The following RAD50 variants were observed in gnomAD, a reference collection of about 807,000 sequenced individuals.
The protein encoded by RAD50 is DNA repair protein RAD50.
In RAD50, 132 loss-of-function variants were observed where a neutral mutation model predicts 168.8. The ratio of observed to expected loss-of-function variants is 0.78; its 90% CI spans 0.68 to 0.90. The LOEUF (loss-of-function observed/expected upper bound fraction) is 0.90, where lower values mean the gene tolerates loss of function less well. Ranked by LOEUF, RAD50 falls within the 40% of genes least tolerant of loss-of-function variation. The pLI is 0.00. For missense variants in RAD50, 1,347 were observed against 1,534.4 expected, an observed-to-expected ratio of 0.88 and a Z score of 2.04; for synonymous variants, 525 against 497.4, an observed-to-expected ratio of 1.06 and a Z score of -0.74.
rs371727074 is a variant in RAD50, at chr5:132,579,334, G to A, written c.383G>A (p.Ser128Asn). The A allele has an allele frequency of 6.2e-7, 1 of 1,613,856 alleles. No homozygotes were observed. The highest frequency in any genetic ancestry group is 8.5e-7 in the Non-Finnish European group (1 of 1,179,922). ...TTCTGTAGGCATGGTGAAAAGGTCA[G>A]TCTGAGCTCTAAGTGTGCAGAAATT... The part of the protein sequence containing the change: ...ITRTKHGEKV[S>N]LSSKCAEIDR... The change falls in exon 4 of 25, where the codon AGT becomes AAT. Residue 128 changes from serine to asparagine, a missense_variant. Physicochemically the swap from Ser to Asn is conservative, Grantham distance 46. This residue lies in a region of RAD50 where 703 missense variants were observed against 767.7 expected (regional missense o/e 0.92). Transcript: ENST00000378823.
intron 2 of RAD50, among the ~76,000 whole-genome samples, chr5:132,573,297 C>T (rs1048673641): frequency 3.3e-5 from 5 of 152,188 alleles, no homozygotes; most frequent in African/African-American, 9.7e-5. Flanking sequence ...TACAGTTCCA[C>T]GTGGCTGGGG....
chr5:132,573,150 A>G (rs568561564), intron 2 of RAD50, among the ~76,000 whole-genome samples: 3 of 152,188 alleles, frequency 2.0e-5, no homozygotes, highest in Non-Finnish European at 2.9e-5. Flanking sequence ...ACATCAGATC[A>G]GCAACTTACT....
At position 132,642,140 on chromosome 5, in the gene RAD50, C is replaced by T. The variant is rs556047173; in HGVS notation, c.3753-38C>T. On this transcript the variant is annotated intron_variant, in intron 24 of 24. Transcript: ENST00000378823. ...TTTTCAAATCAAAGAAGGGGTTATG[C>T]TCTTTACTAATAATATGTTCTGAAT... The T allele has an allele frequency of 7.0e-5, 111 of 1,593,000 alleles. No individual in the cohort carries two copies. The South Asian group carries it at 1.2e-3, about 17-fold the overall frequency.
Position 132,642,871 on chromosome 5 carries a change from A to G in RAD50, c.*507A>G. ...TGCTTTTAACTTTATAAATCCAGTG[A>G]CCTCTCTCTCTGGGACTTGGTTTCC... is the stretch of plus-strand genomic sequence containing the variant. On this transcript the variant is annotated 3_prime_UTR_variant, in exon 25 of 25. Transcript: ENST00000378823. The G allele has an allele frequency of 2.6e-6, 1 of 378,688 alleles. No individual in the cohort carries two copies. Among genetic ancestry groups the G allele is most frequent in the South Asian group, 2.5e-5 (1 of 39,398 alleles). The allele number at this position is 378,688 out of a possible 1,614,324, so 23.5% of individuals were successfully genotyped here.
At chr5:132,637,918 C>G (rs1042271531) in intron 22 of RAD50, 163 bp from the exon 23 acceptor site, 1 of 769,380 alleles carries the variant, frequency 1.3e-6, no homozygotes, top group Non-Finnish European at 2.1e-6. Flanking sequence ...GACCACCAGG[C>G]TCTTGAATCC....
At position 132,644,270 on chromosome 5, in the gene RAD50, A is replaced by C; in HGVS notation, c.*1906A>C. ...TGGCTGCTTTCATTCCAAGAAGCCCATGGGTTTGGAGGTGGGATAGGTGCC... is the reference window on the plus strand; with the variant it reads ...TGGCTGCTTTCATTCCAAGAAGCCCCTGGGTTTGGAGGTGGGATAGGTGCC... On this transcript the variant is annotated 3_prime_UTR_variant, in exon 25 of 25. Transcript: ENST00000378823. The C allele has an allele frequency of 5.8e-6, 1 of 173,358 alleles. No individual in the cohort carries two copies. The highest frequency in any genetic ancestry group is 1.2e-5 in the Non-Finnish European group (1 of 80,170). The allele number at this position is 173,358 out of a possible 1,614,324, so 10.7% of individuals were successfully genotyped here. A position where few individuals can be genotyped will look rare whatever the true frequency, so the allele number is the denominator to read the frequency against.
chr5:132,609,007 T>G (rs1751035133), intron 17 of RAD50, 110 bp from the exon 18 acceptor site: 1 of 1,465,766 alleles, frequency 6.8e-7, no homozygotes, highest in East Asian at 2.4e-5. Flanking sequence ...TCAGTAGTGG[T>G]GGAAACTGGA....
intron 9 of RAD50, among the ~76,000 whole-genome samples, chr5:132,590,575 T>C (rs1750681003): frequency 6.6e-6 from 1 of 152,258 alleles, no homozygotes; most frequent in Non-Finnish European, 1.5e-5. Context: ...TTATTACTTT[T>C]TCTGTGTTAA....
chr5:132,638,079 A>T lies in RAD50; in HGVS notation c.3476-2A>T. Reference sequence around the variant, plus strand: ...TCTAAAATATTCTTCTTCCTGTGTCAGATATTGAATACATAGAAATACGGT... The same window carrying T: ...TCTAAAATATTCTTCTTCCTGTGTCTGATATTGAATACATAGAAATACGGT... On this transcript the variant is annotated splice_acceptor_variant, in intron 22 of 24. Coordinates refer to ENST00000378823, the MANE Select transcript of RAD50 (RefSeq NM_005732.4). LOFTEE classifies it high-confidence loss of function. The T allele has an allele frequency of 6.2e-7, 1 of 1,613,952 alleles. No homozygotes were observed. Among genetic ancestry groups the T allele is most frequent in the South Asian group, 1.1e-5 (1 of 91,068 alleles).
At chr5:132,612,985 G>A (rs1353270378) in intron 19 of RAD50, among the ~76,000 whole-genome samples, 1 of 152,012 alleles carries the variant, frequency 6.6e-6, no homozygotes, top group African/African-American at 2.4e-5. Context: ...TGGATGGACT[G>A]CATAGCTTTC....
chr5:132,613,341 A>C (rs1443210984), intron 19 of RAD50, among the ~76,000 whole-genome samples: 2 of 152,214 alleles, frequency 1.3e-5, no homozygotes, highest in Non-Finnish European at 2.9e-5. Context: ...AAGGTCACAA[A>C]AAGTAGTAAC....
At chr5:132,619,511 C>A (rs1751237870) in intron 21 of RAD50, among the ~76,000 whole-genome samples, 1 of 152,110 alleles carries the variant, frequency 6.6e-6, no homozygotes, top group Admixed American at 6.5e-5. Context: ...GCATTCCTCC[C>A]ACTTCGGCCT....
chr5:132,631,671 G>A (rs531311120), intron 21 of RAD50, among the ~76,000 whole-genome samples: 6 of 152,242 alleles, frequency 3.9e-5, no homozygotes, highest in Non-Finnish European at 5.9e-5. Context: ...TGATAAAAGC[G>A]TGTTAAGTTA....
chr5:132,580,133 A>T (rs989812021), intron 5 of RAD50, 67 bp downstream of exon 5: 1 of 1,349,282 alleles, frequency 7.4e-7, no homozygotes, highest in African/African-American at 1.4e-5. Context: ...TGATGTTTTG[A>T]TATAAGTATA....
intron 5 of RAD50, among the ~76,000 whole-genome samples, chr5:132,587,255 T>G (rs1750609644): frequency 6.6e-6 from 1 of 152,238 alleles, no homozygotes; most frequent in African/African-American, 2.4e-5. Context: ...TTTTAAGGAT[T>G]AAGTAACTCT....
At chr5:132,616,191 T>C in intron 20 of RAD50, 61 bp downstream of exon 20, 1 of 1,528,216 alleles carries the variant, frequency 6.5e-7, no homozygotes, top group East Asian at 2.3e-5. Flanking sequence ...ATGTGAAGAA[T>C]ATTAAATACC....
intron 2 of RAD50, among the ~76,000 whole-genome samples, chr5:132,565,431 C>T (rs935349684): frequency 1.3e-5 from 2 of 152,170 alleles, no homozygotes; most frequent in African/African-American, 4.8e-5. Context: ...GACTCCATCC[C>T]TGTATGCCAG....
In RAD50 at chr5:132,588,016, T is replaced by C. The variant is rs878854804; in HGVS notation, c.978T>C (p.His326=). The part of the protein sequence containing the change: ...REKERKLVDC[H]RELEKLNKES... The stretch of plus-strand genomic sequence containing the variant: ...AAGAAAGGAAATTGGTAGACTGTCA[T>C]CGTGAACTGGAAAAACTAAATAAAG... Residue 326 remains histidine (H), a synonymous_variant, in exon 7 of 25, where the codon CAT becomes CAC. Transcript: ENST00000378823. 10 of 1,612,010 alleles carry C rather than the reference T, an allele frequency of 6.2e-6. No individual in the cohort carries two copies. The highest frequency in any genetic ancestry group is 8.5e-6 in the Non-Finnish European group (10 of 1,178,244).
intron 2 of RAD50, among the ~76,000 whole-genome samples, chr5:132,575,189 G>C (rs1437140289): frequency 1.3e-5 from 2 of 152,224 alleles, no homozygotes; most frequent in African/African-American, 2.4e-5. Context: ...ATGGACTACA[G>C]TTCCACCTGG....
Sources: allele counts gnomAD v4.1 joint callset (sites outside exome capture counted in the v4.1 genomes callset), GRCh38; gene constraint gnomAD v4.1.1; regional missense constraint gnomAD v4.1.1; transcripts MANE v1.5; gene names NCBI Gene and HGNC (gene_info 2026-07-23, HGNC 2026-07-21).